PCID2: variants seen among roughly 807,000 people sequenced by gnomAD.
PCID2 encodes the protein PCI domain containing 2, also known as PCI domain-containing protein 2.
A neutral mutation model predicts 61.3 loss-of-function variants in PCID2; 41 were observed. That is an observed-to-expected ratio of 0.67 (90% CI 0.52 to 0.87). PCID2 has a LOEUF of 0.87. PCID2 is among the 40% of genes least tolerant of loss of function. PCID2 has a pLI of 0.00. For synonymous variants in PCID2, 187 were observed against 177.8 expected (o/e 1.05, Z -0.41); for missense variants, 392 against 493.4 (o/e 0.79, Z 1.95).
chr13:113,174,992 A>C (rs1449993294), downstream of PCID2, among the ~76,000 whole-genome samples: 1 of 152,288 alleles, frequency 6.6e-6, no homozygotes, highest in East Asian at 1.9e-4. Context: ...AAGTGATTGG[A>C]TCACGGGGGC....
At chr13:113,195,178 AT>A (rs1555404356) in intron 5 of PCID2, 53 bp from the exon 6 acceptor site, 5 of 1,121,678 alleles carry the variant, frequency 4.5e-6, no homozygotes, top group South Asian at 3.7e-5. Context: ...CCAAGATTCC[AT>A]CCCCAGAGGT....
the PCID2 span, chr13:113,165,188 A>G: frequency 1.3e-6 from 2 of 1,499,888 alleles, no homozygotes; most frequent in African/African-American, 2.7e-5. Context: ...CATTTCCTAA[A>G]TAGAAATGTT....
chr13:113,189,296 C>A (rs905006827), intron 7 of PCID2, among the ~76,000 whole-genome samples: 4 of 152,046 alleles, frequency 2.6e-5, no homozygotes, highest in Non-Finnish European at 5.9e-5. Context: ...GCCAAATAAA[C>A]CTCTTTTCTT....
At chr13:113,190,771 T>A in intron 7 of PCID2, 101 bp downstream of exon 7, 1 of 567,866 alleles carries the variant, frequency 1.8e-6, no homozygotes, top group South Asian at 3.0e-5. Flanking sequence ...TGTGTAGAAA[T>A]GAAATATGTG....
the PCID2 span, among the ~76,000 whole-genome samples, chr13:113,165,811 G>A: frequency 6.6e-5 from 10 of 152,116 alleles, no homozygotes; most frequent in Non-Finnish European, 1.2e-4. Flanking sequence ...GATTACAGGC[G>A]TGAGCCACCA....
At chr13:113,188,575 G>C (rs1352168062) in intron 7 of PCID2, 1 of 152,190 alleles carries the variant, frequency 6.6e-6, no homozygotes, top group East Asian at 1.9e-4. Flanking sequence ...CAATCACCAT[G>C]ACAATGACGG....
chr13:113,195,075 T>C lies in PCID2; in HGVS notation c.359A>G (p.Asn120Ser), dbSNP rs1000316205. ...AVALDLRVFANNADQQLVKKG... is the reference protein window; with the variant it reads ...AVALDLRVFASNADQQLVKKG... ...ATGACAGCAAATTAAACTTACATTA[T>C]TGGCAAACACTCGAAGGTCAAGCGC... Residue 120 changes from asparagine (N) to serine (S), a missense_variant, in exon 6 of 14, where the codon AAT (asparagine) becomes AGT (serine). Around this residue, in one of 3 missense-constraint regions of PCID2, gnomAD observed 155 missense variants for 164.9 expected, o/e 0.94. Transcript: ENST00000337344. 6.2e-7 allele frequency: 1 copy of C among 1,601,614 alleles called. No individual in the cohort carries two copies. Among genetic ancestry groups the C allele is most frequent in the Non-Finnish European group, 8.6e-7 (1 of 1,168,464 alleles).
intron 1 of PCID2, among the ~76,000 whole-genome samples, chr13:113,202,934 C>G (rs943728641): frequency 6.6e-6 from 1 of 152,094 alleles, no homozygotes; most frequent in Non-Finnish European, 1.5e-5. Flanking sequence ...CCTTTGAAAA[C>G]AGTAGTTTGT....
In PCID2 at chr13:113,177,561, T is replaced by C. The variant is rs1193268990; in HGVS notation, c.*637A>G. 1 of 152,224 alleles carries C rather than the reference T, an allele frequency of 6.6e-6. No individual in the cohort carries two copies. The highest frequency in any genetic ancestry group is 1.9e-4 in the East Asian group (1 of 5,202). The allele number at this position is 152,224 out of a possible 1,614,324, so 9.4% of individuals were successfully genotyped here. A position where few individuals can be genotyped will look rare whatever the true frequency, so the allele number is the denominator to read the frequency against. ...TTTAGTAGCAGGTGTATTAAATGTA[T>C]TTTCAATTTAAGATGGTTTTTTAAA... On this transcript the variant is annotated 3_prime_UTR_variant, in exon 14 of 14. Coordinates refer to ENST00000337344, the MANE Select transcript of PCID2 (RefSeq NM_001127202.4).
chr13:113,192,449 C>T (rs2038695305), intron 6 of PCID2, among the ~76,000 whole-genome samples: 1 of 83,270 alleles, frequency 1.2e-5, no homozygotes, highest in Non-Finnish European at 2.7e-5. Flanking sequence ...CTAGCTGCTT[C>T]TTGCAGAACA....
intron 7 of PCID2, chr13:113,188,269 G>C (rs1401681448): frequency 2.0e-5 from 3 of 152,244 alleles, no homozygotes. Flanking sequence ...GGCATAGGAA[G>C]GACTTTTCTA....
chr13:113,200,379 A>T, intron 2 of PCID2, 48 bp downstream of exon 2: 1 of 1,057,410 alleles, frequency 9.5e-7, no homozygotes, highest in Non-Finnish European at 1.5e-6. Context: ...GAAAGTGGTT[A>T]CCCTGTAATT....
At chr13:113,191,568 C>G (rs1280152055) in intron 6 of PCID2, among the ~76,000 whole-genome samples, 1 of 152,198 alleles carries the variant, frequency 6.6e-6, no homozygotes, top group African/African-American at 2.4e-5. Context: ...TCTTCAGTCC[C>G]TGAAGTTGGC....
chr13:113,180,092 G>A lies in PCID2; in HGVS notation c.861-50C>T, dbSNP rs377043413. The A allele has an allele frequency of 5.2e-5, 84 of 1,613,478 alleles. No individual in the cohort carries two copies. The African/African-American group carries it at 6.8e-4, about 13-fold the overall frequency. On this transcript the variant is annotated intron_variant, in intron 11 of 13. Transcript: ENST00000337344. ...AAGGAGGGTGAGTTTCTCACAGAGC[G>A]TGCACGTCAACTCTCATCAGGCTTG...
At chr13:113,175,606 C>T (rs1429805224), downstream of PCID2, among the ~76,000 whole-genome samples, 5 of 152,192 alleles carry the variant, frequency 3.3e-5, no homozygotes, top group East Asian at 5.8e-4. Flanking sequence ...AAGCCTCCGC[C>T]GGCATGAGTT....
chr13:113,204,927 C>T (rs1007506259), intron 1 of PCID2, among the ~76,000 whole-genome samples: 4 of 152,176 alleles, frequency 2.6e-5, no homozygotes, highest in Non-Finnish European at 5.9e-5. Flanking sequence ...ACCTTCTGAG[C>T]GGCACCCCCA....
intron 2 of PCID2, among the ~76,000 whole-genome samples, chr13:113,199,246 T>A (rs914818822): frequency 6.6e-6 from 1 of 152,160 alleles, no homozygotes; most frequent in Non-Finnish European, 1.5e-5. Flanking sequence ...TGATGAGGGC[T>A]TGAATAGAAC....
At chr13:113,176,080 G>A (rs2037180505), downstream of PCID2, among the ~76,000 whole-genome samples, 1 of 152,384 alleles carries the variant, frequency 6.6e-6, no homozygotes, top group East Asian at 1.9e-4. Flanking sequence ...GAGTGCTGCT[G>A]AAGCCCTGGG....
At chr13:113,192,155 G>A (rs1454463966) in intron 6 of PCID2, among the ~76,000 whole-genome samples, 1 of 152,186 alleles carries the variant, frequency 6.6e-6, no homozygotes, top group Non-Finnish European at 1.5e-5. Context: ...CTACTCAGGA[G>A]GCTGAGGTGG....
Sources: allele counts gnomAD v4.1 joint callset (sites outside exome capture counted in the v4.1 genomes callset), GRCh38; gene constraint gnomAD v4.1.1; regional missense constraint gnomAD v4.1.1; transcripts MANE v1.5; gene names NCBI Gene and HGNC (gene_info 2026-07-23, HGNC 2026-07-21).